ALDH2: variants seen among roughly 807,000 people sequenced by gnomAD.
ALDH2 encodes aldehyde dehydrogenase, mitochondrial.
A neutral mutation model predicts 59.6 loss-of-function variants in ALDH2; 44 were observed. The ratio of observed to expected loss-of-function variants is 0.74; its 90% CI spans 0.58 to 0.95. ALDH2 has a LOEUF of 0.95. Ranked by LOEUF, ALDH2 falls within the 40% of genes least tolerant of loss-of-function variation. The pLI is 0.00. For missense variants in ALDH2, 570 were observed against 696.3 expected (o/e 0.82, Z 2.04); for synonymous variants, 291 against 284.0 (o/e 1.02, Z -0.25).
intron 10 of ALDH2, among the ~76,000 whole-genome samples, chr12:111,799,114 C>T (rs994876695): frequency 1.5e-4 from 23 of 152,012 alleles, no homozygotes; most frequent in South Asian, 4.2e-4. Context: ...CTGCCTGCCT[C>T]GGCCTCCCAA....
chr12:111,813,449 AAG>A lies in ALDH2; in HGVS notation c.*3876_*3877del, dbSNP rs2068550168. ...GGCAGGCAGTGTAATGAGGGAATCA[AAG>A]ACCAGGATCACATACTGGAAAGAAT... On this transcript the variant is annotated 3_prime_UTR_variant, in exon 13 of 13. Transcript: ENST00000261733. 6.6e-6 allele frequency: 1 copy of A among 152,220 alleles called. No individual in the cohort carries two copies. The highest frequency in any genetic ancestry group is 6.5e-5 in the Admixed American group (1 of 15,274). The allele number at this position is 152,220 out of a possible 1,614,324, so 9.4% of individuals were successfully genotyped here. A position where few individuals can be genotyped will look rare whatever the true frequency, so the allele number is the denominator to read the frequency against.
Position 111,803,938 on chromosome 12 carries a change from G to C in ALDH2, c.1486G>C (p.Glu496Gln). ...KMSGSGRELG[E>Q]YGLQAYTEVK... The stretch of plus-strand genomic sequence containing the variant: ...GTCGGGGAGTGGCCGGGAGTTGGGC[G>C]AGTACGGGCTGCAGGCATACACTGA... Residue 496 changes from glutamate (E) to glutamine (Q), a missense_variant, in exon 12 of 13, where the codon GAG (glutamate) becomes CAG (glutamine). Transcript: ENST00000261733. 1.2e-6 allele frequency: 2 copies of C among 1,612,450 alleles called. No individual in the cohort carries two copies. The highest frequency in any genetic ancestry group is 2.2e-5 in the South Asian group (2 of 90,796).
intron 12 of ALDH2, among the ~76,000 whole-genome samples, chr12:111,806,015 C>CAA (rs1268962123): frequency 5.3e-5 from 6 of 114,008 alleles, no homozygotes; most frequent in Non-Finnish European, 7.4e-5. Flanking sequence ...GAGTGAGACT[C>CAA]AAAAAAAAAA....
Position 111,767,030 on chromosome 12 carries a change from C to G in ALDH2, c.48C>G (p.Leu16=). ...ARFGPRLGRR[L]LSAAATQAVP... ...TCGGGCCCCGCCTGGGCCGCCGCCT[C>G]TTGTCAGCCGCCGCCACCCAGGCCG... The change falls in exon 1 of 13, where the codon CTC becomes CTG. Residue 16 remains leucine (L), a synonymous_variant. Transcript: ENST00000261733. The G allele has an allele frequency of 6.6e-7, 1 of 1,526,626 alleles. No individual in the cohort carries two copies. Among genetic ancestry groups the G allele is most frequent in the African/African-American group, 1.4e-5 (1 of 70,880 alleles). The allele number at this position is 1,526,626 out of a possible 1,614,324, so 94.6% of individuals were successfully genotyped here. A position where few individuals can be genotyped will look rare whatever the true frequency, so the allele number is the denominator to read the frequency against.
chr12:111,769,127 C>T (rs1043436476), intron 1 of ALDH2, among the ~76,000 whole-genome samples: 2 of 152,210 alleles, frequency 1.3e-5, no homozygotes, highest in Non-Finnish European at 2.9e-5. Context: ...TCCTGTTCTC[C>T]AGATTTACTC....
intron 4 of ALDH2, 47 bp downstream of exon 4, chr12:111,785,393 G>A (rs538464024): frequency 1.3e-6 from 2 of 1,530,432 alleles, no homozygotes; most frequent in Admixed American, 3.3e-5. Flanking sequence ...GGGAAAAGGG[G>A]AGGCAACGTT....
intron 10 of ALDH2, among the ~76,000 whole-genome samples, chr12:111,799,535 C>A (rs79961638): frequency 0.016 from 2,329 of 149,718 alleles, 70 homozygotes; most frequent in African/African-American, 0.054. Context: ...ACTCGAACTC[C>A]TAGACTCAAG....
chr12:111,809,569 C>T lies in ALDH2; in HGVS notation c.1548C>T (p.Asn516=), dbSNP rs775259939. 6.2e-7 allele frequency: 1 copy of T among 1,614,154 alleles called. No individual in the cohort carries two copies. Among genetic ancestry groups the T allele is most frequent in the Non-Finnish European group, 8.5e-7 (1 of 1,180,040 alleles). ...KTVTVKVPQK[N]S ...TCACAGTCAAAGTGCCTCAGAAGAA[C>T]TCATAAGAATCATGCAAGCTTCCTC... Residue 516 remains asparagine (N), a synonymous_variant, in exon 13 of 13, where the codon AAC becomes AAT. Coordinates refer to ENST00000261733, the MANE Select transcript of ALDH2 (RefSeq NM_000690.4).
At chr12:111,807,188 G>A (rs867438174) in intron 12 of ALDH2, among the ~76,000 whole-genome samples, 3 of 152,024 alleles carry the variant, frequency 2.0e-5, no homozygotes, top group Admixed American at 1.3e-4. Context: ...GTGTGAACTC[G>A]GGAGGCGGAG....
intron 2 of ALDH2, 82 bp downstream of exon 2, chr12:111,782,104 T>C (rs1294293907): frequency 5.8e-6 from 6 of 1,041,074 alleles, no homozygotes; most frequent in Non-Finnish European, 8.9e-6. Flanking sequence ...AGCTTTACCA[T>C]ATATGTGTAT....
At chr12:111,780,558 C>T (rs553146645) in intron 1 of ALDH2, among the ~76,000 whole-genome samples, 2 of 152,286 alleles carry the variant, frequency 1.3e-5, no homozygotes, top group Non-Finnish European at 1.5e-5. Flanking sequence ...ATTCCGGACT[C>T]GGTCAAATGT....
Position 111,781,977 on chromosome 12 carries a change from T to C in ALDH2, c.174T>C (p.Asn58=), listed in dbSNP as rs770124797. Residue 58 remains asparagine (N), a synonymous_variant, in exon 2 of 13, where the codon AAT becomes AAC. Transcript: ENST00000261733. ...GCAGGAAAACATTCCCCACCGTCAA[T>C]CCGTCCACTGGAGAGGTCATCTGTC... The part of the protein sequence containing the change: ...AVSRKTFPTV[N]PSTGEVICQV... 4.3e-6 allele frequency: 7 copies of C among 1,613,994 alleles called. No individual in the cohort carries two copies. The highest frequency in any genetic ancestry group is 1.1e-5 in the South Asian group (1 of 91,072).
intron 1 of ALDH2, among the ~76,000 whole-genome samples, chr12:111,767,495 A>T (rs2068167770): frequency 6.6e-6 from 1 of 150,796 alleles, no homozygotes; most frequent in Non-Finnish European, 1.5e-5. Flanking sequence ...CATCCCCTTT[A>T]CCCCCTGACT....
At chr12:111,767,120 G>A (rs1415335496) in intron 1 of ALDH2, 24 bp downstream of exon 1, 13 of 1,458,168 alleles carry the variant, frequency 8.9e-6, no homozygotes, top group Non-Finnish European at 1.2e-5. Flanking sequence ...CCGGGCTCGC[G>A]CTTTGTTTTC....
chr12:111,767,178 G>A, intron 1 of ALDH2, 82 bp downstream of exon 1: 1 of 1,168,634 alleles, frequency 8.6e-7, no homozygotes, highest in Non-Finnish European at 1.1e-6. Context: ...CGCCGCCGTG[G>A]GCCTTAGTGT....
intron 4 of ALDH2, among the ~76,000 whole-genome samples, chr12:111,786,118 T>C (rs1421621322): frequency 2.0e-5 from 3 of 152,258 alleles, no homozygotes; most frequent in Non-Finnish European, 4.4e-5. Flanking sequence ...TTGATTTTAT[T>C]ATTTTTCTAT....
chr12:111,777,437 C>G (rs2136010349), intron 1 of ALDH2, among the ~76,000 whole-genome samples: 2 of 152,294 alleles, frequency 1.3e-5, no homozygotes, highest in South Asian at 4.1e-4. Context: ...ACCAGACCTA[C>G]TTCCACCCAG....
chr12:111,792,057 A>ACAGAT lies in ALDH2; in HGVS notation c.796-3_797dup. 1 of 1,603,032 alleles carries ACAGAT rather than the reference A, an allele frequency of 6.2e-7. No individual in the cohort carries two copies. Among genetic ancestry groups the ACAGAT allele is most frequent in the Non-Finnish European group, 8.5e-7 (1 of 1,170,708 alleles). ...AGCTTGTTCCTGTCTTTCTGTCCCC[A>ACAGAT]CAGATTGGCCGCGTAATCCAGGTTG... On this transcript the variant is annotated splice_region_variant and splice_polypyrimidine_tract_variant and intron_variant, in intron 7 of 12. Transcript: ENST00000261733.
chr12:111,811,688 G>A lies in ALDH2; in HGVS notation c.*2113G>A, dbSNP rs2068537150. On this transcript the variant is annotated 3_prime_UTR_variant, in exon 13 of 13. Coordinates refer to ENST00000261733, the MANE Select transcript of ALDH2 (RefSeq NM_000690.4). ...GGGGTTTTGCCATGTTGGCCAGGCT[G>A]GTGTTGAAGGCCTGACCTCAGGTAA... The A allele has an allele frequency of 6.6e-6, 1 of 152,372 alleles. No homozygotes were observed. Among genetic ancestry groups the A allele is most frequent in the African/African-American group, 2.4e-5 (1 of 41,386 alleles). 9.4% of individuals were successfully genotyped at this position (152,372 alleles called of 1,614,324 possible). A position where few individuals can be genotyped will look rare whatever the true frequency, so the allele number is the denominator to read the frequency against.
Sources: gnomAD v4.1 joint callset for allele counts (sites outside exome capture counted in the v4.1 genomes callset) on GRCh38, gnomAD v4.1.1 for gene constraint, MANE v1.5 for transcripts, NCBI Gene and HGNC (gene_info 2026-07-23, HGNC 2026-07-21) for gene names.